The following JAKMIP2 variants were observed in gnomAD, a reference collection of about 807,000 sequenced individuals.
JAKMIP2 encodes janus kinase and microtubule-interacting protein 2.
A neutral mutation model predicts 115.0 loss-of-function variants in JAKMIP2; 25 were observed. The observed-to-expected ratio is 0.22, with a 90% CI of 0.16 to 0.30. The LOEUF is 0.30. Ranked by LOEUF, JAKMIP2 falls within the 10% of genes least tolerant of loss-of-function variation. The pLI, the probability that JAKMIP2 is intolerant of heterozygous loss-of-function variation, is 1.00. For synonymous variants in JAKMIP2, 334 were observed against 343.6 expected (o/e 0.97, Z 0.31); for missense variants, 642 against 957.6 (o/e 0.67, Z 4.35).
At chr5:147,661,521 C>T in intron 2 of JAKMIP2, 76 bp from the exon 3 acceptor site, 1 of 1,445,294 alleles carries the variant, frequency 6.9e-7, no homozygotes, top group Non-Finnish European at 9.3e-7. Context: ...GGATTTGCAG[C>T]TCAGGCCGCT....
chr5:147,758,241 A>G (rs1580886191), intron 1 of JAKMIP2, among the ~76,000 whole-genome samples: 1 of 152,170 alleles, frequency 6.6e-6, no homozygotes, highest in East Asian at 1.9e-4. Context: ...ACAGTTACAG[A>G]AAAGTCTGTG....
At chr5:147,695,507 T>C (rs1456002151) in intron 1 of JAKMIP2, among the ~76,000 whole-genome samples, 1 of 152,196 alleles carries the variant, frequency 6.6e-6, no homozygotes, top group Non-Finnish European at 1.5e-5. Context: ...CATTATTGAA[T>C]GGCAATGGCA....
chr5:147,641,213 T>C (rs1757864719), intron 8 of JAKMIP2, among the ~76,000 whole-genome samples: 1 of 152,134 alleles, frequency 6.6e-6, no homozygotes, highest in Admixed American at 6.5e-5. Flanking sequence ...CAAGTCCACA[T>C]TAAAAACCAA....
intron 1 of JAKMIP2, among the ~76,000 whole-genome samples, chr5:147,702,571 AGAAAGAAG>A (rs1396488085): frequency 1.6e-5 from 2 of 124,632 alleles, no homozygotes; most frequent in South Asian, 3.1e-4. Context: ...AAAGAAAGAA[AGAAAGAAG>A]GAAAGAAAGA....
At chr5:147,650,225 G>A in intron 4 of JAKMIP2, 113 bp downstream of exon 4, 3 of 705,726 alleles carry the variant, frequency 4.3e-6, no homozygotes, top group Non-Finnish European at 7.5e-6. Flanking sequence ...TATAGTAGAA[G>A]GTAGATTGAT....
intron 19 of JAKMIP2, among the ~76,000 whole-genome samples, chr5:147,616,221 A>C (rs973749360): frequency 2.0e-5 from 3 of 152,214 alleles, no homozygotes; most frequent in Non-Finnish European, 4.4e-5. Context: ...TTATATATAA[A>C]AAATCCTGGC....
At position 147,659,404 on chromosome 5, in the gene JAKMIP2, G is replaced by A. The variant is rs118169696; in HGVS notation, c.627+1544C>T. Among the ~76,000 whole-genome samples the A allele has an allele frequency of 7.2e-5, 11 of 152,122 alleles. No homozygotes were observed. The East Asian group carries it at 1.9e-3, about 27-fold the overall frequency. On this transcript the variant is annotated intron_variant, in intron 3 of 21. Coordinates refer to ENST00000616793, the MANE Select transcript of JAKMIP2 (RefSeq NM_001270941.2). ...CCCAGTGAGATGAACTGGATACCTC[G>A]ATTGGAAAAGCAGAAATCACCTGCC...
intron 1 of JAKMIP2, among the ~76,000 whole-genome samples, chr5:147,734,186 A>C (rs928438880): frequency 9.2e-5 from 14 of 152,192 alleles, no homozygotes; most frequent in Non-Finnish European, 1.5e-4. Flanking sequence ...AGAGAAATGC[A>C]AATCAAAACC....
At chr5:147,616,814 T>A (rs554145965) in intron 19 of JAKMIP2, among the ~76,000 whole-genome samples, 3 of 152,290 alleles carry the variant, frequency 2.0e-5, no homozygotes, top group Non-Finnish European at 2.9e-5. Context: ...CCTACTTGGG[T>A]AATCTATTAG....
intron 17 of JAKMIP2, 122 bp from the exon 18 acceptor site, chr5:147,620,865 A>G (rs1410796493): frequency 1.3e-5 from 9 of 672,962 alleles, no homozygotes; most frequent in Non-Finnish European, 2.3e-5. Context: ...TTGTAGAGTC[A>G]TAAATTTTGT....
chr5:147,612,450 C>G, intron 19 of JAKMIP2, 79 bp from the exon 20 acceptor site: 3 of 787,882 alleles, frequency 3.8e-6, no homozygotes, highest in Non-Finnish European at 6.1e-6. Flanking sequence ...AATGAAAACA[C>G]GAAACTTCCT....
Position 147,587,205 on chromosome 5 carries a change from A to G in JAKMIP2, c.*4502T>C, listed in dbSNP as rs575191482. 6.6e-6 allele frequency: 1 copy of G among 152,336 alleles called. No individual in the cohort carries two copies. The highest frequency in any genetic ancestry group is 1.5e-5 in the Non-Finnish European group (1 of 68,028). The allele number at this position is 152,336 out of a possible 1,614,324, so 9.4% of individuals were successfully genotyped here. A position where few individuals can be genotyped will look rare whatever the true frequency, so the allele number is the denominator to read the frequency against. ...TCCATATTGGAAGCATAAACTCATG[A>G]CATAAACAGTCATCTAAGATTTGCT... On this transcript the variant is annotated 3_prime_UTR_variant, in exon 22 of 22. Coordinates refer to ENST00000616793, the MANE Select transcript of JAKMIP2 (RefSeq NM_001270941.2).
At chr5:147,688,244 A>G (rs998461221) in intron 1 of JAKMIP2, among the ~76,000 whole-genome samples, 1 of 152,184 alleles carries the variant, frequency 6.6e-6, no homozygotes, top group African/African-American at 2.4e-5. Context: ...TGTTCTGAGC[A>G]CTGATTGAAT....
intron 1 of JAKMIP2, among the ~76,000 whole-genome samples, chr5:147,697,310 A>G (rs1036638471): frequency 6.6e-6 from 1 of 152,182 alleles, no homozygotes; most frequent in Non-Finnish European, 1.5e-5. Flanking sequence ...CTTATTCACT[A>G]TCATGAGAAC....
At chr5:147,742,156 T>TATATATA (rs1554084271) in intron 1 of JAKMIP2, among the ~76,000 whole-genome samples, 17 of 83,976 alleles carry the variant, frequency 2.0e-4, no homozygotes, top group African/African-American at 5.1e-4. Flanking sequence ...TATATATATA[T>TATATATA]TTTTTTTACT....
intron 2 of JAKMIP2, among the ~76,000 whole-genome samples, chr5:147,664,669 G>A (rs1181217140): frequency 3.3e-5 from 5 of 151,986 alleles, no homozygotes; most frequent in African/African-American, 7.3e-5. Flanking sequence ...CCTTAGTAGC[G>A]GTTTTCACAG....
At chr5:147,777,873 T>C (rs954473177) in intron 1 of JAKMIP2, among the ~76,000 whole-genome samples, 23 of 152,178 alleles carry the variant, frequency 1.5e-4, no homozygotes, top group Admixed American at 1.0e-3. Context: ...AAAATTAGAA[T>C]ATTTGAAAAA....
intron 20 of JAKMIP2, among the ~76,000 whole-genome samples, chr5:147,603,597 A>G (rs1755830032): frequency 6.6e-6 from 1 of 152,230 alleles, no homozygotes; most frequent in East Asian, 1.9e-4. Context: ...GTAGAAGGTG[A>G]ATCATAAACC....
chr5:147,706,074 C>A (rs748655288), intron 1 of JAKMIP2, among the ~76,000 whole-genome samples: 1 of 152,088 alleles, frequency 6.6e-6, no homozygotes, highest in Non-Finnish European at 1.5e-5. Flanking sequence ...TATAGTATTG[C>A]TTCAGGTAGT....
Sources: allele counts gnomAD v4.1 joint callset (sites outside exome capture counted in the v4.1 genomes callset), GRCh38; gene constraint gnomAD v4.1.1; transcripts MANE v1.5; gene names NCBI Gene and HGNC (gene_info 2026-07-23, HGNC 2026-07-21).